The following DHRS7C variants were observed in gnomAD, a reference collection of about 807,000 sequenced individuals.
DHRS7C encodes the protein dehydrogenase/reductase 7C, also known as dehydrogenase/reductase SDR family member 7C.
In DHRS7C, 28 loss-of-function variants were observed where a neutral mutation model predicts 29.6. That is an observed-to-expected ratio of 0.95 (90% CI 0.70 to 1.30). The LOEUF (loss-of-function observed/expected upper bound fraction) is 1.30. DHRS7C is among the 50% of genes most tolerant of loss of function. DHRS7C has a pLI of 0.00. For missense variants in DHRS7C, 403 were observed against 393.3 expected, an observed-to-expected ratio of 1.02 and a Z score of -0.21; for synonymous variants, 158 against 160.2, an observed-to-expected ratio of 0.99 and a Z score of 0.10.
intron 2 of DHRS7C, among the ~76,000 whole-genome samples, chr17:9,780,489 A>G (rs879625331): frequency 1.3e-5 from 2 of 152,134 alleles, no homozygotes; most frequent in Non-Finnish European, 2.9e-5. Context: ...AAAATCATAC[A>G]CTCAACACAA....
At chr17:9,785,517 G>A (rs535374356) in intron 1 of DHRS7C, among the ~76,000 whole-genome samples, 65 of 152,340 alleles carry the variant, frequency 4.3e-4, no homozygotes, top group African/African-American at 1.5e-3. Flanking sequence ...TTGAGAGCTC[G>A]TCTGAAGACT....
At chr17:9,789,014 C>T (rs996511508) in intron 1 of DHRS7C, among the ~76,000 whole-genome samples, 4 of 152,110 alleles carry the variant, frequency 2.6e-5, no homozygotes, top group Non-Finnish European at 4.4e-5. Flanking sequence ...TTCCTGGGTG[C>T]CTGATTTGAT....
At chr17:9,790,686 A>G (rs576094134) in intron 1 of DHRS7C, among the ~76,000 whole-genome samples, 193 of 152,356 alleles carry the variant, frequency 1.3e-3, no homozygotes, top group Non-Finnish European at 2.5e-3. Context: ...CATGAGGTAG[A>G]GACTGCTGTT....
At position 9,791,204 on chromosome 17, in the gene DHRS7C, G is replaced by T. The variant is rs1259946869; in HGVS notation, c.81C>A (p.Ser27=). 3.1e-6 allele frequency: 5 copies of T among 1,613,578 alleles called. No individual in the cohort carries two copies. The highest frequency in any genetic ancestry group is 1.7e-6 in the Non-Finnish European group (2 of 1,179,800). ...SGLLFIYQEV[S]RLWSKSAVQN... is the part of the protein sequence containing the mutation. The stretch of plus-strand genomic sequence containing the variant: ...GCACAGCTGACTTTGACCACAGCCT[G>T]GACACCTCTTGGTAAATGAAGAGGA... The change falls in exon 1 of 6, where the codon TCC becomes TCA. Residue 27 remains serine (S), a synonymous_variant. Transcript: ENST00000571134.
rs1348933560 is a variant in DHRS7C at position 9,775,104 on chromosome 17, A to G, written c.571+2089T>C. Among the ~76,000 whole-genome samples, 2 of 151,988 alleles carry G rather than the reference A, an allele frequency of 1.3e-5. No individual in the cohort carries two copies. The highest frequency in any genetic ancestry group is 2.9e-5 in the Non-Finnish European group (2 of 68,002). On this transcript the variant is annotated intron_variant, in intron 4 of 5. Coordinates refer to ENST00000571134, the MANE Select transcript of DHRS7C (RefSeq NM_001105571.3). This position sits in a 1 kb window ranked among gnomAD's most constrained non-coding sequence, Gnocchi z 4.2. The stretch of plus-strand genomic sequence containing the variant: ...TGCCCATGTCTCATTATATTATGTC[A>G]CCTCTGTGTTCCCATCACTTGGCTT...
At chr17:9,777,938 C>G (rs375838980) in intron 3 of DHRS7C, among the ~76,000 whole-genome samples, 1 of 152,204 alleles carries the variant, frequency 6.6e-6, no homozygotes, top group African/African-American at 2.4e-5. Flanking sequence ...ATACAGATTT[C>G]CTCCTAAAGT....
At chr17:9,779,236 TG>T (rs2066379927) in intron 3 of DHRS7C, among the ~76,000 whole-genome samples, 1 of 152,220 alleles carries the variant, frequency 6.6e-6, no homozygotes, top group Non-Finnish European at 1.5e-5. Context: ...GTGAGAAATC[TG>T]CACCTGGGTA....
intron 1 of DHRS7C, among the ~76,000 whole-genome samples, chr17:9,790,006 C>A (rs1202662883): frequency 1.3e-5 from 2 of 152,160 alleles, no homozygotes; most frequent in Non-Finnish European, 2.9e-5. Flanking sequence ...TTTATCTTAA[C>A]AAGATGCACC....
At chr17:9,779,679 G>A in intron 3 of DHRS7C, 146 bp downstream of exon 3, 1 of 760,068 alleles carries the variant, frequency 1.3e-6, no homozygotes, top group Non-Finnish European at 2.1e-6. Context: ...AATGGGAATG[G>A]TGAAAGCTTT....
rs377015739 is a variant in DHRS7C, at chr17:9,781,514, C to A, written c.235G>T (p.Asp79Tyr). The change falls in exon 2 of 6, where the codon GAT (aspartate) becomes TAT (tyrosine). Residue 79 changes from aspartate (D) to tyrosine (Y), a missense_variant. Coordinates refer to ENST00000571134, the MANE Select transcript of DHRS7C (RefSeq NM_001105571.3). ...GGGTCAGCCACGCTGATCAAGGCAT[C>A]ATATAGGTTCTCTAGCCTCTCCCAG... ...KNWERLENLY[D>Y]ALISVADPSK... 6 of 1,613,910 alleles carry A rather than the reference C, an allele frequency of 3.7e-6. No individual in the cohort carries two copies. Among genetic ancestry groups the A allele is most frequent in the Non-Finnish European group, 4.2e-6 (5 of 1,179,900 alleles).
chr17:9,784,875 G>T (rs1236086856), intron 1 of DHRS7C, among the ~76,000 whole-genome samples: 1 of 152,180 alleles, frequency 6.6e-6, no homozygotes, highest in African/African-American at 2.4e-5. Flanking sequence ...GCAGAAATTG[G>T]TCTATTGACA....
intron 1 of DHRS7C, among the ~76,000 whole-genome samples, chr17:9,784,014 A>G (rs1349553570): frequency 6.6e-6 from 1 of 151,490 alleles, no homozygotes; most frequent in Non-Finnish European, 1.5e-5. Context: ...AGCTGGATGC[A>G]TTACACCAAA....
At chr17:9,779,590 A>C (rs1158262117) in intron 3 of DHRS7C, among the ~76,000 whole-genome samples, 2 of 152,142 alleles carry the variant, frequency 1.3e-5, no homozygotes, top group African/African-American at 2.4e-5. Context: ...TTGGGTGGGG[A>C]GAGGGGTTTC....
At chr17:9,783,924 G>C (rs1414873738) in intron 1 of DHRS7C, among the ~76,000 whole-genome samples, 1 of 149,698 alleles carries the variant, frequency 6.7e-6, no homozygotes, top group African/African-American at 2.4e-5. Context: ...CTGGGCAACA[G>C]AGTGAGACTC....
chr17:9,783,691 C>T lies in DHRS7C; in HGVS notation c.155-2097G>A, dbSNP rs112369462. On this transcript the variant is annotated intron_variant, in intron 1 of 5. Coordinates refer to ENST00000571134, the MANE Select transcript of DHRS7C (RefSeq NM_001105571.3). ...TATTACGTAAAAAGTGGGAGCTGGGCGCGGTGGCTCATGCCTGTAATTCCA... is the reference window on the plus strand; with the variant it reads ...TATTACGTAAAAAGTGGGAGCTGGGTGCGGTGGCTCATGCCTGTAATTCCA... Among the ~76,000 whole-genome samples the T allele has an allele frequency of 6.2e-4, 94 of 152,258 alleles. 2 individuals carry two copies. In the South Asian group the frequency reaches 0.013, roughly 22 times the overall value.
At position 9,772,794 on chromosome 17, in the gene DHRS7C, C is replaced by G. The variant is rs780057148; in HGVS notation, c.700G>C (p.Gly234Arg). 4 of 1,613,902 alleles carry G rather than the reference C, an allele frequency of 2.5e-6. No homozygotes were observed. Among genetic ancestry groups the G allele is most frequent in the Non-Finnish European group, 8.5e-7 (1 of 1,179,850 alleles). ...TTCCAAATGGAAGCTTCCCAGTTTC[C>G]TTGCTCTGGATACACGTGGTACGAC... Reference protein sequence around the residue: ...IRSYHVYPEQGNWEASIWKFF... With the variant: ...IRSYHVYPEQRNWEASIWKFF... The change falls in exon 5 of 6, where the codon GGA (glycine) becomes CGA (arginine). Residue 234 changes from glycine (G) to arginine (R), a missense_variant. Coordinates refer to ENST00000571134, the MANE Select transcript of DHRS7C (RefSeq NM_001105571.3).
chr17:9,780,898 T>C lies in DHRS7C; in HGVS notation c.267+584A>G, dbSNP rs141550714. On this transcript the variant is annotated intron_variant, in intron 2 of 5. Coordinates refer to ENST00000571134, the MANE Select transcript of DHRS7C (RefSeq NM_001105571.3). Reference sequence around the variant, plus strand: ...TCCCTAGAAACACACTTTGGGGCATTCTGTGTTGTCCTGTTTGATTCATCT... The same window carrying C: ...TCCCTAGAAACACACTTTGGGGCATCCTGTGTTGTCCTGTTTGATTCATCT... Among the ~76,000 whole-genome samples the C allele has an allele frequency of 5.8e-3, 887 of 152,332 alleles. 6 individuals are homozygous for C. The highest frequency in any genetic ancestry group is 0.01 in the Middle Eastern group (3 of 294).
At chr17:9,785,168 C>T (rs2066416553) in intron 1 of DHRS7C, 1 of 152,176 alleles carries the variant, frequency 6.6e-6, no homozygotes, top group South Asian at 2.1e-4. Context: ...GTTCCCTTTA[C>T]CCACAAATAG....
At position 9,777,266 on chromosome 17, in the gene DHRS7C, G is replaced by T. The variant is rs760808003; in HGVS notation, c.498C>A (p.Ile166=). 4.3e-6 allele frequency: 7 copies of T among 1,613,422 alleles called. No homozygotes were observed. Among genetic ancestry groups the T allele is most frequent in the Non-Finnish European group, 5.9e-6 (7 of 1,179,762 alleles). Residue 166 remains isoleucine (I), a synonymous_variant, in exon 4 of 6, where the codon ATC becomes ATA. Coordinates refer to ENST00000571134, the MANE Select transcript of DHRS7C (RefSeq NM_001105571.3). ...ACACGATTTGGCCTGTTCTCCGGGA[G>T]ATCATGTTGGGAAGCAGGGCTGGAA... ...TLTKALLPNM[I]SRRTGQIVLV... is the part of the protein sequence containing the mutation.
Sources: gnomAD v4.1 joint callset for allele counts (sites outside exome capture counted in the v4.1 genomes callset) on GRCh38, gnomAD v4.1.1 for gene constraint, Gnocchi (gnomAD v3.1) non-coding constraint, MANE v1.5 for transcripts, NCBI Gene and HGNC (gene_info 2026-07-23, HGNC 2026-07-21) for gene names.